CACNG5: variants seen among roughly 807,000 people sequenced by gnomAD.
CACNG5 encodes the protein calcium voltage-gated channel auxiliary subunit gamma 5.
In CACNG5, 18 loss-of-function variants were observed where a neutral mutation model predicts 24.8. That is an observed-to-expected ratio of 0.73 (90% CI 0.50 to 1.08). CACNG5 has a LOEUF of 1.08. Among genes scored for constraint, CACNG5 ranks in the 50% least tolerant of loss-of-function variants. The probability of loss-of-function intolerance (pLI) is 0.00; values close to 1 mark genes in which losing one functional copy is unlikely to be tolerated. For synonymous variants in CACNG5, 157 were observed against 149.1 expected (o/e 1.05, Z -0.39); for missense variants, 349 against 367.9 (o/e 0.95, Z 0.42).
chr17:66,883,706 G>C (rs1465045079), intron 4 of CACNG5, among the ~76,000 whole-genome samples: 1 of 152,138 alleles, frequency 6.6e-6, no homozygotes, highest in African/African-American at 2.4e-5. Flanking sequence ...GTGTTGGACA[G>C]ACCATGGGCC....
chr17:66,868,788 C>T (rs1976963973), intron 1 of CACNG5, among the ~76,000 whole-genome samples: 1 of 152,126 alleles, frequency 6.6e-6, no homozygotes. Flanking sequence ...GCCACTGTGC[C>T]CACCATGAAG....
chr17:66,848,374 G>A (rs960524668), intron 1 of CACNG5, among the ~76,000 whole-genome samples: 26 of 152,188 alleles, frequency 1.7e-4, no homozygotes, highest in African/African-American at 4.6e-4. Context: ...ACAGCACACC[G>A]TTGAATGTCA....
chr17:66,860,477 G>A (rs1321412346), intron 1 of CACNG5, among the ~76,000 whole-genome samples: 1 of 151,982 alleles, frequency 6.6e-6, no homozygotes, highest in Non-Finnish European at 1.5e-5. Flanking sequence ...CAAGAAGGCA[G>A]TGGGTCCGTC....
chr17:66,856,352 G>A (rs983989382), intron 1 of CACNG5, among the ~76,000 whole-genome samples: 1 of 152,168 alleles, frequency 6.6e-6, no homozygotes, highest in Non-Finnish European at 1.5e-5. Flanking sequence ...TTGAGATACT[G>A]TAGATTCACA....
At chr17:66,862,231 A>AT (rs1555656445) in intron 1 of CACNG5, among the ~76,000 whole-genome samples, 1 of 152,164 alleles carries the variant, frequency 6.6e-6, no homozygotes, top group Non-Finnish European at 1.5e-5. Flanking sequence ...AAAAGGCAGA[A>AT]TTTTTTAAAT....
intron 1 of CACNG5, among the ~76,000 whole-genome samples, chr17:66,872,766 G>A (rs1260065895): frequency 6.6e-6 from 1 of 152,134 alleles, no homozygotes; most frequent in Admixed American, 6.5e-5. Context: ...TAGAAATCCT[G>A]GGTCAGAGTG....
chr17:66,881,466 C>T lies in CACNG5; in HGVS notation c.424+769C>T, dbSNP rs202082972. ...TCTCCTTCCCTCTCCAGTCACACCCCACACCATAAACCCTCCTAGACCCCT... is the reference window on the plus strand; with the variant it reads ...TCTCCTTCCCTCTCCAGTCACACCCTACACCATAAACCCTCCTAGACCCCT... On this transcript the variant is annotated intron_variant, in intron 4 of 5. Transcript: ENST00000533854. 6.6e-5 allele frequency among the ~76,000 whole-genome samples: 10 copies of T among 152,220 alleles called. No homozygotes were observed. In the East Asian group the frequency reaches 1.9e-3, roughly 29 times the overall value.
intron 1 of CACNG5, among the ~76,000 whole-genome samples, chr17:66,871,127 C>T (rs1977002101): frequency 6.6e-6 from 1 of 152,108 alleles, no homozygotes; most frequent in Non-Finnish European, 1.5e-5. Context: ...TTTTCACAAC[C>T]AAGGAAGATA....
Position 66,877,257 on chromosome 17 carries a change from C to A in CACNG5, c.-76C>A. The A allele has an allele frequency of 7.7e-7, 1 of 1,291,772 alleles. No individual in the cohort carries two copies. The allele number at this position is 1,291,772 out of a possible 1,614,324, so 80.0% of individuals were successfully genotyped here. ...CCGTGGGTACTGCCACCTGCTCACC[C>A]ACTCTCCCTAGCCCCAGAGCGCAGT... On this transcript the variant is annotated 5_prime_UTR_variant, in exon 2 of 6. Coordinates refer to ENST00000533854, the MANE Select transcript of CACNG5 (RefSeq NM_145811.3).
intron 1 of CACNG5, among the ~76,000 whole-genome samples, chr17:66,854,629 G>T (rs1464031868): frequency 6.8e-6 from 1 of 147,624 alleles, no homozygotes; most frequent in African/African-American, 2.5e-5. Context: ...GGGAGGCAGA[G>T]GTTGCAGTGA....
At chr17:66,862,892 C>CTCTCTCTGTGTGTG (rs567913804) in intron 1 of CACNG5, among the ~76,000 whole-genome samples, 10 of 142,256 alleles carry the variant, frequency 7.0e-5, no homozygotes, top group East Asian at 6.1e-4. Context: ...AGCATATTCT[C>CTCTCTCTGTGTGTG]TGTGTGTGTG....
intron 1 of CACNG5, among the ~76,000 whole-genome samples, chr17:66,848,743 G>A (rs944080345): frequency 6.6e-6 from 1 of 152,150 alleles, no homozygotes; most frequent in East Asian, 1.9e-4. Flanking sequence ...GGTGACCCAA[G>A]TTCAGACCCT....
intron 3 of CACNG5, 39 bp downstream of exon 3, chr17:66,879,097 G>T: frequency 1.4e-6 from 2 of 1,480,100 alleles, no homozygotes; most frequent in Non-Finnish European, 9.4e-7. Context: ...CCACTGGCTG[G>T]ACAGAGAGGA....
intron 1 of CACNG5, among the ~76,000 whole-genome samples, chr17:66,859,257 C>T (rs779688654): frequency 8.5e-5 from 13 of 152,148 alleles, no homozygotes; most frequent in Admixed American, 3.9e-4. Flanking sequence ...TCTTTTTGTA[C>T]TCATGTTTGT....
At chr17:66,859,108 G>A (rs910156093) in intron 1 of CACNG5, among the ~76,000 whole-genome samples, 3 of 152,318 alleles carry the variant, frequency 2.0e-5, no homozygotes, top group East Asian at 1.9e-4. Flanking sequence ...CTGAAGTCAC[G>A]GGGGCAGAGA....
rs148840973 is a variant in CACNG5 at position 66,861,150 on chromosome 17, A to G, written c.-103-16080A>G. On this transcript the variant is annotated intron_variant, in intron 1 of 5. Transcript: ENST00000533854. ...GGCTTATCACATACAGAATTGTAAT[A>G]TATTTGACAATAACAGCACAAAGGA... Among the ~76,000 whole-genome samples, 5 of 152,376 alleles carry G rather than the reference A, an allele frequency of 3.3e-5. No individual in the cohort carries two copies. In the East Asian group the frequency reaches 9.6e-4, roughly 29 times the overall value.
At chr17:66,849,096 A>G (rs549387997) in intron 1 of CACNG5, among the ~76,000 whole-genome samples, 3 of 152,284 alleles carry the variant, frequency 2.0e-5, no homozygotes, top group Admixed American at 6.5e-5. Context: ...TTCAAGATCA[A>G]TTCATGTCAA....
At chr17:66,875,132 C>T (rs1977057680) in intron 1 of CACNG5, among the ~76,000 whole-genome samples, 3 of 152,162 alleles carry the variant, frequency 2.0e-5, no homozygotes, top group Admixed American at 2.0e-4. Context: ...ATTTTTCCAG[C>T]TCGCAAACTC....
Position 66,888,621 on chromosome 17 carries a change from T to A in CACNG5, c.*3381T>A, listed in dbSNP as rs956613409. The stretch of plus-strand genomic sequence containing the variant: ...AAGTGGCTCAATAGTCAAAGACAGG[T>A]TTATTTTGGAGAATAAACCTGAGAG... On this transcript the variant is annotated 3_prime_UTR_variant, in exon 6 of 6. Coordinates refer to ENST00000533854, the MANE Select transcript of CACNG5 (RefSeq NM_145811.3). Among the ~76,000 whole-genome samples the A allele has an allele frequency of 6.9e-6, 1 of 145,276 alleles. No individual in the cohort carries two copies. Among genetic ancestry groups the A allele is most frequent in the Non-Finnish European group, 1.5e-5 (1 of 66,068 alleles).
Sources: gnomAD v4.1 joint callset for allele counts (sites outside exome capture counted in the v4.1 genomes callset) on GRCh38, gnomAD v4.1.1 for gene constraint, MANE v1.5 for transcripts, NCBI Gene and HGNC (gene_info 2026-07-23, HGNC 2026-07-21) for gene names.